The following AGTPBP1 variants were observed in gnomAD, a reference collection of about 807,000 sequenced individuals.
AGTPBP1 encodes ATP/GTP binding carboxypeptidase 1.
A neutral mutation model predicts 143.9 loss-of-function variants in AGTPBP1; 70 were observed. That is an observed-to-expected ratio of 0.49 (90% confidence interval 0.40 to 0.59). The LOEUF is 0.59. Among genes scored for constraint, AGTPBP1 ranks in the 20% least tolerant of loss-of-function variants. AGTPBP1 has a pLI of 0.00. For synonymous variants in AGTPBP1, 463 were observed against 500.2 expected, an observed-to-expected ratio of 0.93 and a Z score of 0.99; for missense variants, 1,229 against 1,464.5, an observed-to-expected ratio of 0.84 and a Z score of 2.62.
chr9:85,572,489 C>T (rs369682259), intron 25 of AGTPBP1, among the ~76,000 whole-genome samples: 15 of 151,880 alleles, frequency 9.9e-5, no homozygotes, highest in African/African-American at 2.9e-4. Context: ...CAAAGGAAAT[C>T]GATTATATGG....
At chr9:85,767,785 G>A in the AGTPBP1 span, among the ~76,000 whole-genome samples, 1 of 152,166 alleles carries the variant, frequency 6.6e-6, no homozygotes, top group Non-Finnish European at 1.5e-5. Context: ...ACCCTGCTGA[G>A]AACATATAAT....
At chr9:85,680,856 T>C (rs1835123862) in intron 4 of AGTPBP1, among the ~76,000 whole-genome samples, 1 of 152,182 alleles carries the variant, frequency 6.6e-6, no homozygotes, top group African/African-American at 2.4e-5. Context: ...CCAATATGTG[T>C]AGTAAAATCA....
chr9:85,627,962 T>C (rs950719790), intron 14 of AGTPBP1, among the ~76,000 whole-genome samples: 4 of 152,242 alleles, frequency 2.6e-5, no homozygotes, highest in African/African-American at 9.6e-5. Context: ...TTAAAAGTTA[T>C]ACTTGAATTT....
At chr9:85,737,608 G>T (rs1380134462) in intron 1 of AGTPBP1, among the ~76,000 whole-genome samples, 1 of 152,184 alleles carries the variant, frequency 6.6e-6, no homozygotes, top group Non-Finnish European at 1.5e-5. Context: ...CATGATGAAA[G>T]ATGTCAACAT....
chr9:85,580,147 A>G (rs1337516938), intron 23 of AGTPBP1, among the ~76,000 whole-genome samples: 2 of 151,612 alleles, frequency 1.3e-5, no homozygotes, highest in African/African-American at 2.4e-5. Context: ...CTAAGGAAGG[A>G]GAATCGCCTG....
intron 2 of AGTPBP1, among the ~76,000 whole-genome samples, chr9:85,699,474 G>C (rs1836504294): frequency 1.3e-5 from 2 of 151,978 alleles, no homozygotes; most frequent in Admixed American, 1.3e-4. Context: ...TCCTAAGTAA[G>C]GGCAAGGGAT....
chr9:85,639,367 GCACA>G (rs60915473), intron 13 of AGTPBP1, among the ~76,000 whole-genome samples: 11,942 of 147,284 alleles, frequency 0.081, 827 homozygotes, highest in East Asian at 0.42. Flanking sequence ...GCGCGCACGC[GCACA>G]CACACACACA....
the AGTPBP1 span, chr9:85,753,276 A>G: frequency 1.2e-6 from 2 of 1,612,592 alleles, no homozygotes; most frequent in South Asian, 1.1e-5. Context: ...TGTAAAAGCA[A>G]TAAGGTGTTT....
intron 11 of AGTPBP1, among the ~76,000 whole-genome samples, chr9:85,648,337 C>T (rs11141052): frequency 0.023 from 3,485 of 152,206 alleles, 125 homozygotes; most frequent in African/African-American, 0.073. Context: ...CTAACTAATA[C>T]AGGTACAAAT....
intron 17 of AGTPBP1, among the ~76,000 whole-genome samples, chr9:85,615,529 T>C (rs1830557081): frequency 6.6e-6 from 1 of 152,118 alleles, no homozygotes; most frequent in South Asian, 2.1e-4. Context: ...AAAGTTTTTT[T>C]ACAAATTATT....
chr9:85,556,636 T>C (rs981954442), intron 25 of AGTPBP1, among the ~76,000 whole-genome samples: 7 of 152,102 alleles, frequency 4.6e-5, no homozygotes, highest in African/African-American at 1.7e-4. Flanking sequence ...GGAAAAGATA[T>C]TATGCAAAAA....
chr9:85,751,567 G>C, the AGTPBP1 span, among the ~76,000 whole-genome samples: 1 of 152,060 alleles, frequency 6.6e-6, no homozygotes, highest in Admixed American at 6.5e-5. Context: ...TTTAGTGATG[G>C]ACAACATCAT....
intron 1 of AGTPBP1, among the ~76,000 whole-genome samples, chr9:85,720,682 T>C (rs1470119540): frequency 6.6e-6 from 1 of 152,170 alleles, no homozygotes; most frequent in Non-Finnish European, 1.5e-5. Context: ...GCTCTAATCT[T>C]AGTTATTTCT....
At chr9:85,659,571 G>A (rs192082931) in intron 9 of AGTPBP1, among the ~76,000 whole-genome samples, 1 of 152,024 alleles carries the variant, frequency 6.6e-6, no homozygotes, top group East Asian at 1.9e-4. Flanking sequence ...AAAGAAGGGA[G>A]GGAGTAAAAA....
intron 11 of AGTPBP1, among the ~76,000 whole-genome samples, chr9:85,648,156 C>T (rs995115502): frequency 4.6e-5 from 7 of 152,136 alleles, no homozygotes; most frequent in Admixed American, 6.5e-5. Context: ...TCTTTGTCTT[C>T]GTTTCTTTGT....
chr9:85,619,637 A>T (rs759089708), intron 15 of AGTPBP1, among the ~76,000 whole-genome samples: 1 of 152,254 alleles, frequency 6.6e-6, no homozygotes, highest in Admixed American at 6.5e-5. Flanking sequence ...AATAATTCTC[A>T]TAAACGATGC....
intron 2 of AGTPBP1, among the ~76,000 whole-genome samples, chr9:85,700,867 C>T (rs1026079033): frequency 9.2e-5 from 14 of 152,170 alleles, no homozygotes; most frequent in Non-Finnish European, 1.9e-4. Flanking sequence ...ACTACATCAG[C>T]TTAGCCTATG....
the AGTPBP1 span, among the ~76,000 whole-genome samples, chr9:85,790,894 A>AT: frequency 1.3e-5 from 2 of 152,156 alleles, no homozygotes; most frequent in African/African-American, 4.8e-5. Context: ...AAAATTAAAT[A>AT]TTTTTTTAAA....
chr9:85,703,261 G>C (rs1313993661), intron 2 of AGTPBP1, among the ~76,000 whole-genome samples: 1 of 152,202 alleles, frequency 6.6e-6, no homozygotes, highest in East Asian at 1.9e-4. Context: ...AGATGGGGAA[G>C]ACAGAATTAT....
Sources: gnomAD v4.1 joint callset for allele counts (sites outside exome capture counted in the v4.1 genomes callset) on GRCh38, gnomAD v4.1.1 for gene constraint, MANE v1.5 for transcripts, NCBI Gene and HGNC (gene_info 2026-07-23, HGNC 2026-07-21) for gene names.